Variants in UNC5D observed in about 807,000 individuals in gnomAD.
UNC5D encodes unc-5 netrin receptor D.
Under a neutral mutation model 105.4 loss-of-function variants are expected in UNC5D, and 39 were observed. That is an observed-to-expected ratio of 0.37 (90% CI 0.29 to 0.48). The LOEUF (loss-of-function observed/expected upper bound fraction) is 0.48. Ranked by LOEUF, UNC5D falls within the 20% of genes least tolerant of loss-of-function variation. The probability of loss-of-function intolerance (pLI) is 0.98; values close to 1 mark genes in which losing one functional copy is unlikely to be tolerated. For missense variants in UNC5D, 991 were observed against 1,202.4 expected (o/e 0.82, Z 2.60); for synonymous variants, 452 against 450.4 (o/e 1.00, Z -0.04).
intron 1 of UNC5D, among the ~76,000 whole-genome samples, chr8:35,285,461 A>T (rs547924763): frequency 6.6e-6 from 1 of 152,338 alleles, no homozygotes; most frequent in East Asian, 1.9e-4. Flanking sequence ...CTAGTGTTCT[A>T]TGAATATGTG....
chr8:35,293,138 C>A (rs929175263), intron 1 of UNC5D, among the ~76,000 whole-genome samples: 6 of 151,902 alleles, frequency 3.9e-5, no homozygotes, highest in South Asian at 2.1e-4. Flanking sequence ...TAGGCTGAGG[C>A]GGATGAGGAA....
At chr8:35,393,122 C>T (rs955912243) in intron 1 of UNC5D, among the ~76,000 whole-genome samples, 3 of 135,674 alleles carry the variant, frequency 2.2e-5, no homozygotes, top group Admixed American at 7.7e-5. Flanking sequence ...ATACCTATTC[C>T]TACTTTTTTT....
intron 1 of UNC5D, among the ~76,000 whole-genome samples, chr8:35,383,160 C>T (rs1444653795): frequency 6.6e-6 from 1 of 152,138 alleles, no homozygotes; most frequent in African/African-American, 2.4e-5. Flanking sequence ...GACAAGGAAA[C>T]TTCATCACAA....
chr8:35,556,261 T>C (rs1816545250), intron 2 of UNC5D, among the ~76,000 whole-genome samples: 1 of 152,174 alleles, frequency 6.6e-6, no homozygotes, highest in South Asian at 2.1e-4. Context: ...AAAACAAATA[T>C]ATAATCATAG....
chr8:35,417,582 T>G (rs988567202), intron 1 of UNC5D, among the ~76,000 whole-genome samples: 1 of 152,224 alleles, frequency 6.6e-6, no homozygotes, highest in Non-Finnish European at 1.5e-5. Context: ...TACAGCACTC[T>G]GTTCTTATTT....
chr8:35,280,177 G>T (rs1052595852), intron 1 of UNC5D, among the ~76,000 whole-genome samples: 4 of 152,128 alleles, frequency 2.6e-5, no homozygotes, highest in South Asian at 2.1e-4. Flanking sequence ...TATATTTTTA[G>T]TAGAGTTGGG....
intron 4 of UNC5D, among the ~76,000 whole-genome samples, chr8:35,640,987 C>A (rs1380559558): frequency 1.3e-5 from 2 of 152,020 alleles, no homozygotes; most frequent in Non-Finnish European, 2.9e-5. Context: ...TAGAGAACAT[C>A]CCTTTTCTTG....
chr8:35,365,589 T>C lies in UNC5D; in HGVS notation c.103+129702T>C, dbSNP rs908764750. Among the ~76,000 whole-genome samples the C allele has an allele frequency of 9.4e-3, 304 of 32,300 alleles. 2 individuals are homozygous for C. The highest frequency in any genetic ancestry group is 0.031 in the African/African-American group (293 of 9,318). 21.2% of individuals were successfully genotyped at this position (32,300 alleles called of 152,430 possible). A position where few individuals can be genotyped will look rare whatever the true frequency, so the allele number is the denominator to read the frequency against. ...CTTCTTAGGCTTTCATGCCATCCCC[T>C]GCAAAAAAAAAAAAAAAAAAAAAAA... On this transcript the variant is annotated intron_variant, in intron 1 of 16. Transcript: ENST00000404895.
intron 1 of UNC5D, among the ~76,000 whole-genome samples, chr8:35,290,168 T>C: frequency 6.6e-6 from 1 of 152,140 alleles, no homozygotes; most frequent in Non-Finnish European, 1.5e-5. Flanking sequence ...TGGGTATATA[T>C]TCAAAGGAAC....
chr8:35,486,496 T>C (rs1296329733), intron 1 of UNC5D, among the ~76,000 whole-genome samples: 2 of 152,170 alleles, frequency 1.3e-5, no homozygotes, highest in African/African-American at 2.4e-5. Context: ...TTAGGAGGAT[T>C]TGAACCTTTA....
intron 11 of UNC5D, 137 bp from the exon 12 acceptor site, chr8:35,748,390 A>T: frequency 1.2e-6 from 1 of 858,992 alleles, no homozygotes; most frequent in Non-Finnish European, 1.7e-6. Context: ...TCTCCAGACC[A>T]GTCCTTTGTA....
At chr8:35,582,931 C>T (rs544528327) in intron 3 of UNC5D, among the ~76,000 whole-genome samples, 69 of 152,310 alleles carry the variant, frequency 4.5e-4, no homozygotes, top group African/African-American at 1.6e-3. Flanking sequence ...AACTTTGTCC[C>T]TTCAACCATG....
intron 1 of UNC5D, among the ~76,000 whole-genome samples, chr8:35,382,465 TA>T (rs1298576033): frequency 1.4e-4 from 21 of 152,348 alleles, no homozygotes; most frequent in Middle Eastern, 3.4e-3. Flanking sequence ...AGATGCCCCT[TA>T]TTTTTTTATT....
intron 4 of UNC5D, among the ~76,000 whole-genome samples, chr8:35,625,018 G>A (rs1356812760): frequency 1.3e-5 from 2 of 152,172 alleles, no homozygotes; most frequent in Non-Finnish European, 2.9e-5. Context: ...GCATATGTGT[G>A]TATGAATCTG....
chr8:35,254,235 A>G (rs912291637), intron 1 of UNC5D: 7 of 152,314 alleles, frequency 4.6e-5, no homozygotes, highest in Non-Finnish European at 7.3e-5. Context: ...TATTTGGTAA[A>G]TCATTGAACT....
chr8:35,689,962 G>C (rs1356803422), intron 7 of UNC5D, among the ~76,000 whole-genome samples: 1 of 152,150 alleles, frequency 6.6e-6, no homozygotes, highest in East Asian at 1.9e-4. Context: ...CATTCCTATA[G>C]TGGAAATAAC....
At chr8:35,762,308 T>C (rs758030205) in intron 14 of UNC5D, among the ~76,000 whole-genome samples, 1 of 152,186 alleles carries the variant, frequency 6.6e-6, no homozygotes, top group Non-Finnish European at 1.5e-5. Context: ...TGAGAGCCTG[T>C]ATATTGAAGG....
At chr8:35,347,000 C>A (rs1811851636) in intron 1 of UNC5D, among the ~76,000 whole-genome samples, 1 of 151,948 alleles carries the variant, frequency 6.6e-6, no homozygotes, top group Admixed American at 6.6e-5. Context: ...CATTAAAGCA[C>A]AATAACCATT....
At chr8:35,423,244 C>T (rs753466474) in intron 1 of UNC5D, among the ~76,000 whole-genome samples, 1 of 152,162 alleles carries the variant, frequency 6.6e-6, no homozygotes. Context: ...CTTACACATC[C>T]ACTACATTAG....
Sources: gnomAD v4.1 joint callset for allele counts (sites outside exome capture counted in the v4.1 genomes callset) on GRCh38, gnomAD v4.1.1 for gene constraint, MANE v1.5 for transcripts, NCBI Gene and HGNC (gene_info 2026-07-23, HGNC 2026-07-21) for gene names.